Variants in PDE4D observed in about 807,000 individuals in gnomAD.
PDE4D encodes 3',5'-cyclic-AMP phosphodiesterase 4D.
In PDE4D, 24 loss-of-function variants were observed where a neutral mutation model predicts 87.4. That is an observed-to-expected ratio of 0.27 (90% CI 0.20 to 0.39). PDE4D has a LOEUF of 0.39. PDE4D is among the 10% of genes least tolerant of loss of function. PDE4D has a pLI of 1.00. For synonymous variants in PDE4D, 384 were observed against 383.2 expected (o/e 1.00, Z -0.02); for missense variants, 714 against 1,041.0 (o/e 0.69, Z 4.32).
At chr5:59,600,862 C>T (rs1827405332) in intron 1 of PDE4D, among the ~76,000 whole-genome samples, 1 of 152,078 alleles carries the variant, frequency 6.6e-6, no homozygotes, top group Non-Finnish European at 1.5e-5. Context: ...ATTTGTGGAC[C>T]CATCATTTCT....
At chr5:59,496,712 C>T (rs1363906520) in intron 1 of PDE4D, among the ~76,000 whole-genome samples, 1 of 152,136 alleles carries the variant, frequency 6.6e-6, no homozygotes, top group East Asian at 1.9e-4. Flanking sequence ...CTGAAGGGGG[C>T]GCCACCAAAG....
At chr5:59,172,198 T>G (rs1383033184) in intron 5 of PDE4D, among the ~76,000 whole-genome samples, 2 of 111,248 alleles carry the variant, frequency 1.8e-5, no homozygotes, top group Non-Finnish European at 3.3e-5. Flanking sequence ...ACATATATAA[T>G]AAATATGTAT....
chr5:59,747,645 T>G (rs1580845366), intron 1 of PDE4D, among the ~76,000 whole-genome samples: 1 of 152,298 alleles, frequency 6.6e-6, no homozygotes, highest in East Asian at 1.9e-4. Context: ...GCTTATTATT[T>G]TATCACAAAA....
At chr5:59,327,146 C>T (rs1030386392) in intron 1 of PDE4D, among the ~76,000 whole-genome samples, 1 of 149,894 alleles carries the variant, frequency 6.7e-6, no homozygotes, top group South Asian at 2.1e-4. Context: ...CACACACACA[C>T]ACACACACAC....
intron 1 of PDE4D, among the ~76,000 whole-genome samples, chr5:59,810,600 C>T (rs78158302): frequency 0.038 from 5,826 of 152,254 alleles, 359 homozygotes; most frequent in African/African-American, 0.13. Context: ...TTGGACCATG[C>T]ATTTGCTCCC....
At chr5:59,733,140 C>A (rs1757615190) in intron 1 of PDE4D, among the ~76,000 whole-genome samples, 2 of 151,996 alleles carry the variant, frequency 1.3e-5, no homozygotes. Flanking sequence ...AAGGTCAGCT[C>A]CACATAGTTG....
intron 6 of PDE4D, among the ~76,000 whole-genome samples, chr5:59,034,875 G>C (rs1199059441): frequency 1.3e-5 from 2 of 152,132 alleles, no homozygotes; most frequent in Admixed American, 6.5e-5. Context: ...CCCAAAATTA[G>C]AGCAGAAACA....
At chr5:59,164,756 G>A (rs1381421127) in intron 5 of PDE4D, among the ~76,000 whole-genome samples, 1 of 152,094 alleles carries the variant, frequency 6.6e-6, no homozygotes, top group Non-Finnish European at 1.5e-5. Context: ...TAGGTTGCTA[G>A]GCTGGACTTG....
At chr5:60,061,114 T>C (rs1359548194) in intron 2 of PDE4D, among the ~76,000 whole-genome samples, 1 of 152,134 alleles carries the variant, frequency 6.6e-6, no homozygotes, top group Non-Finnish European at 1.5e-5. Context: ...TAAAGCGTAT[T>C]CAAATAGGAA....
chr5:59,398,265 G>C lies in PDE4D; in HGVS notation c.456-182297C>G, dbSNP rs925194299. ...ATCATTCTAATACCAAAGCCGGGCAGAGACACAACCAAAAAAGAGAATTTT... is the reference window on the plus strand; with the variant it reads ...ATCATTCTAATACCAAAGCCGGGCACAGACACAACCAAAAAAGAGAATTTT... On this transcript the variant is annotated intron_variant, in intron 1 of 14. Coordinates refer to ENST00000340635, the MANE Select transcript of PDE4D (RefSeq NM_001104631.2). Among the ~76,000 whole-genome samples, 369 of 119,816 alleles carry C rather than the reference G, an allele frequency of 3.1e-3. 63 individuals carry two copies. The highest frequency in any genetic ancestry group is 7.1e-3 in the Admixed American group (87 of 12,322). The allele number at this position is 119,816 out of a possible 152,430, so 78.6% of individuals were successfully genotyped here.
At chr5:59,871,001 G>C (rs552857541) in intron 1 of PDE4D, among the ~76,000 whole-genome samples, 1 of 152,236 alleles carries the variant, frequency 6.6e-6, no homozygotes, top group East Asian at 1.9e-4. Context: ...CATAAACATA[G>C]AACACGATTG....
At chr5:59,701,604 GC>G (rs1752576745) in intron 1 of PDE4D, among the ~76,000 whole-genome samples, 1 of 152,204 alleles carries the variant, frequency 6.6e-6, no homozygotes, top group South Asian at 2.1e-4. Flanking sequence ...TGAGGGATAA[GC>G]CCAAGGAGTT....
chr5:59,030,362 C>T (rs1411850975), intron 6 of PDE4D, among the ~76,000 whole-genome samples: 1 of 117,888 alleles, frequency 8.5e-6, no homozygotes, highest in Non-Finnish European at 1.7e-5. Flanking sequence ...TAAAATTAGA[C>T]AAAGGATCTG....
chr5:59,601,522 G>C (rs571232763), intron 1 of PDE4D, among the ~76,000 whole-genome samples: 17 of 151,846 alleles, frequency 1.1e-4, no homozygotes, highest in Admixed American at 3.9e-4. Flanking sequence ...TTCTTTTGAA[G>C]TTGTTTCTTC....
At chr5:59,367,988 A>G (rs1783353318) in intron 1 of PDE4D, among the ~76,000 whole-genome samples, 1 of 152,204 alleles carries the variant, frequency 6.6e-6, no homozygotes, top group Non-Finnish European at 1.5e-5. Context: ...CCTCTTGTGA[A>G]GAGAGGTTTT....
intron 3 of PDE4D, among the ~76,000 whole-genome samples, chr5:59,908,474 A>G (rs181775334): frequency 6.6e-6 from 1 of 152,268 alleles, no homozygotes; most frequent in African/African-American, 2.4e-5. Context: ...TATAATTTCT[A>G]CTGAAAACTT....
At chr5:59,828,027 C>T (rs1016336752) in intron 1 of PDE4D, among the ~76,000 whole-genome samples, 4 of 151,782 alleles carry the variant, frequency 2.6e-5, no homozygotes, top group African/African-American at 9.7e-5. Flanking sequence ...AATATAAATG[C>T]TTGCCTGATA....
At chr5:60,185,521 G>A (rs1296393998) in intron 2 of PDE4D, 1 of 1,383,994 alleles carries the variant, frequency 7.2e-7, no homozygotes, top group Non-Finnish European at 9.9e-7. Flanking sequence ...ATATGTACAT[G>A]TGTTTAGAAA....
chr5:60,144,520 G>T lies in PDE4D; in HGVS notation c.42+41037C>A, dbSNP rs74862219. On this transcript the variant is annotated intron_variant, in intron 2 of 16. Transcript: ENST00000502484. Reference sequence around the variant, plus strand: ...CAGTAAGATGATCTCTAGCTTTTCTGCATTGCTCACTGCTATTCCATTAAA... The same window carrying T: ...CAGTAAGATGATCTCTAGCTTTTCTTCATTGCTCACTGCTATTCCATTAAA... Among the ~76,000 whole-genome samples, 1,051 of 152,302 alleles carry T rather than the reference G, an allele frequency of 6.9e-3. 11 individuals carry two copies. The highest frequency in any genetic ancestry group is 0.024 in the African/African-American group (1,006 of 41,570).
Sources: gnomAD v4.1 joint callset for allele counts (sites outside exome capture counted in the v4.1 genomes callset) on GRCh38, gnomAD v4.1.1 for gene constraint, MANE v1.5 for transcripts, NCBI Gene and HGNC (gene_info 2026-07-23, HGNC 2026-07-21) for gene names.